DLG2: variants seen among roughly 807,000 people sequenced by gnomAD.
The protein encoded by DLG2 is discs large MAGUK scaffold protein 2, also known as disks large homolog 2.
Under a neutral mutation model 132.5 loss-of-function variants are expected in DLG2, and 45 were observed. The ratio of observed to expected loss-of-function variants is 0.34; its 90% CI spans 0.27 to 0.44. The LOEUF is 0.44. Among genes scored for constraint, DLG2 ranks in the 20% least tolerant of loss-of-function variants. The pLI, the probability that DLG2 is intolerant of heterozygous loss-of-function variation, is 1.00. For synonymous variants in DLG2, 424 were observed against 419.6 expected (o/e 1.01, Z -0.13); for missense variants, 1,045 against 1,196.9 (o/e 0.87, Z 1.87).
In DLG2 at chr11:84,208,374, C is replaced by T. The variant is rs545359987; in HGVS notation, c.573+42864G>A. ...TTTTTTTTTTTTGGTGAGATGGACT[C>T]GCTCTGTCATGCAGGCTGGAGTTCA... On this transcript the variant is annotated intron_variant, in intron 8 of 27. Coordinates refer to ENST00000376104, the MANE Select transcript of DLG2 (RefSeq NM_001142699.3). Among the ~76,000 whole-genome samples, 90 of 141,472 alleles carry T rather than the reference C, an allele frequency of 6.4e-4. No homozygotes were observed. The South Asian group carries it at 0.019, about 30-fold the overall frequency. The allele number at this position is 141,472 out of a possible 152,430, so 92.8% of individuals were successfully genotyped here.
chr11:85,483,432 A>G (rs2093346004), intron 3 of DLG2, among the ~76,000 whole-genome samples: 1 of 152,214 alleles, frequency 6.6e-6, no homozygotes, highest in African/African-American at 2.4e-5. Context: ...AACAAAAGCT[A>G]AGGGAGTTTA....
intron 6 of DLG2, among the ~76,000 whole-genome samples, chr11:84,544,125 A>G (rs2099384813): frequency 6.6e-6 from 1 of 152,234 alleles, no homozygotes; most frequent in Non-Finnish European, 1.5e-5. Flanking sequence ...AACTGAAGAT[A>G]TTGGAAATGT....
At chr11:83,953,639 A>C (rs759893511) in intron 14 of DLG2, among the ~76,000 whole-genome samples, 46 of 152,236 alleles carry the variant, frequency 3.0e-4, no homozygotes, top group Non-Finnish European at 4.4e-4. Context: ...TTGCTAAAGT[A>C]TACATCTGTG....
chr11:84,613,170 C>T (rs1177585603), intron 6 of DLG2, among the ~76,000 whole-genome samples: 1 of 152,064 alleles, frequency 6.6e-6, no homozygotes, highest in African/African-American at 2.4e-5. Context: ...ACGGCTCTCT[C>T]TTGAGGAACT....
chr11:84,292,086 G>C (rs1311587111), intron 7 of DLG2, among the ~76,000 whole-genome samples: 3 of 152,068 alleles, frequency 2.0e-5, no homozygotes, highest in Non-Finnish European at 4.4e-5. Flanking sequence ...AAAATAACAT[G>C]GCCATATTGG....
At chr11:84,712,937 G>A (rs368667697) in intron 6 of DLG2, among the ~76,000 whole-genome samples, 2 of 152,188 alleles carry the variant, frequency 1.3e-5, no homozygotes, top group East Asian at 3.9e-4. Context: ...CTTGCTGTGT[G>A]ACCTTGAGTA....
At chr11:85,319,210 A>G (rs985517547) in intron 3 of DLG2, among the ~76,000 whole-genome samples, 2 of 151,820 alleles carry the variant, frequency 1.3e-5, no homozygotes, top group Admixed American at 6.6e-5. Context: ...AACCACAAAG[A>G]CTTATAACCT....
intron 6 of DLG2, among the ~76,000 whole-genome samples, chr11:84,740,930 C>G (rs553925435): frequency 2.0e-5 from 3 of 152,310 alleles, no homozygotes; most frequent in Non-Finnish European, 1.5e-5. Flanking sequence ...GCCCTCCACA[C>G]CACTGTGGGC....
At chr11:84,338,724 T>C (rs994340772) in intron 7 of DLG2, among the ~76,000 whole-genome samples, 3 of 152,090 alleles carry the variant, frequency 2.0e-5, no homozygotes, top group African/African-American at 7.2e-5. Context: ...GAGAATCGCT[T>C]GAGTCCAGGA....
intron 6 of DLG2, among the ~76,000 whole-genome samples, chr11:84,840,438 C>A (rs2080478244): frequency 6.6e-6 from 1 of 152,122 alleles, no homozygotes; most frequent in African/African-American, 2.4e-5. Flanking sequence ...GTGACTAATT[C>A]CTCAAGGATC....
At chr11:84,884,927 T>A (rs2087986180) in intron 6 of DLG2, among the ~76,000 whole-genome samples, 1 of 152,120 alleles carries the variant, frequency 6.6e-6, no homozygotes, top group Non-Finnish European at 1.5e-5. Flanking sequence ...TGTCCCTTTG[T>A]CCAGGGTATT....
chr11:84,117,026 G>C (rs1310505859), intron 9 of DLG2, among the ~76,000 whole-genome samples: 1 of 152,100 alleles, frequency 6.6e-6, no homozygotes, highest in Admixed American at 6.5e-5. Context: ...GTCCTGATAA[G>C]CCTTGCAACT....
intron 16 of DLG2, among the ~76,000 whole-genome samples, chr11:83,841,509 C>G (rs1231571564): frequency 6.6e-6 from 1 of 152,156 alleles, no homozygotes; most frequent in Non-Finnish European, 1.5e-5. Context: ...ACCTAGCAAT[C>G]TTTTCATGTA....
chr11:85,604,190 A>G (rs1414384603), intron 2 of DLG2, among the ~76,000 whole-genome samples: 1 of 152,198 alleles, frequency 6.6e-6, no homozygotes, highest in Non-Finnish European at 1.5e-5. Context: ...AAAAATGCTA[A>G]AATATTTTTA....
intron 6 of DLG2, among the ~76,000 whole-genome samples, chr11:85,008,770 T>G (rs185052769): frequency 1.2e-3 from 187 of 152,100 alleles, no homozygotes; most frequent in African/African-American, 4.3e-3. Context: ...AAACTTATAT[T>G]CCAGTGGAAT....
At chr11:84,026,528 T>C (rs953042218) in intron 11 of DLG2, among the ~76,000 whole-genome samples, 1 of 152,124 alleles carries the variant, frequency 6.6e-6, no homozygotes, top group African/African-American at 2.4e-5. Context: ...TATAATTTAT[T>C]GGTAAAGAAG....
chr11:83,896,386 GC>G (rs1337571427), intron 15 of DLG2, among the ~76,000 whole-genome samples: 2 of 152,216 alleles, frequency 1.3e-5, no homozygotes, highest in Non-Finnish European at 2.9e-5. Flanking sequence ...AAGGCTGAAA[GC>G]CATCAACGCA....
chr11:84,023,448 T>G (rs1332960098), intron 11 of DLG2, among the ~76,000 whole-genome samples: 1 of 152,200 alleles, frequency 6.6e-6, no homozygotes, highest in African/African-American at 2.4e-5. Context: ...AGACATCACC[T>G]GAGTTCACTA....
chr11:83,728,407 C>CT (rs1169247332), intron 18 of DLG2, among the ~76,000 whole-genome samples: 5 of 152,222 alleles, frequency 3.3e-5, no homozygotes, highest in Non-Finnish European at 7.3e-5. Context: ...GCTCTTTCTT[C>CT]TTTTTTGTAC....
Sources: allele counts gnomAD v4.1 joint callset (sites outside exome capture counted in the v4.1 genomes callset), GRCh38; gene constraint gnomAD v4.1.1; transcripts MANE v1.5; gene names NCBI Gene and HGNC (gene_info 2026-07-23, HGNC 2026-07-21).